The following ZNF75D variants were observed in gnomAD, a reference collection of about 807,000 sequenced individuals.
ZNF75D encodes zinc finger protein 75D, also known as zinc finger protein 75.
A neutral mutation model predicts 33.3 loss-of-function variants in ZNF75D; 33 were observed. The observed-to-expected ratio is 0.99, with a 90% CI of 0.75 to 1.32. The LOEUF is 1.32. Ranked by LOEUF, ZNF75D falls within the 40% of genes most tolerant of loss-of-function variation. The pLI is 0.00. For synonymous variants in ZNF75D, 113 were observed against 130.6 expected (o/e 0.87, Z 0.92); for missense variants, 338 against 367.5 (o/e 0.92, Z 0.66).
In ZNF75D at chrX:135,264,375, G is replaced by A. The variant is rs1023840353; in HGVS notation, n.828-8598C>T. ...ACAATTCAACATGACGTGTGGGTGC[G>A]GCCACAGAGCCAAACCATAATAAAT... On this transcript the variant is annotated intron_variant and non_coding_transcript_variant, in intron 1 of 3. Transcript: ENST00000494295. Among the ~76,000 whole-genome samples the A allele has an allele frequency of 9.9e-5, 11 of 111,367 alleles. No homozygotes were observed. The South Asian group carries it at 1.1e-3, about 12-fold the overall frequency.
rs1272387177 is a variant in ZNF75D, at chrX:135,277,050, C to G, written n.828-21273G>C. ...TCAAATGGTATTTCTGGTTCTAGAT[C>G]CTTGAGGAATCACCACACTGTCTTC... On this transcript the variant is annotated intron_variant and non_coding_transcript_variant, in intron 1 of 3. Transcript: ENST00000494295. 7.1e-5 allele frequency among the ~76,000 whole-genome samples: 8 copies of G among 111,927 alleles called. No homozygotes were observed. In the Admixed American group the frequency reaches 7.6e-4, roughly 11 times the overall value.
At chrX:135,272,851 T>C (rs61357388) in intron 1 of ZNF75D, among the ~76,000 whole-genome samples, 3,397 of 111,873 alleles carry the variant, frequency 0.03, 96 homozygotes, top group East Asian at 0.13. Flanking sequence ...TCTTCATTTA[T>C]GTAGGGTGTA....
At chrX:135,290,689 G>A (rs959508571) in intron 6 of ZNF75D, among the ~76,000 whole-genome samples, 1 of 112,442 alleles carries the variant, frequency 8.9e-6, no homozygotes, top group Non-Finnish European at 1.9e-5. Flanking sequence ...TTACAGATTA[G>A]TTATTAATTT....
intron 1 of ZNF75D, among the ~76,000 whole-genome samples, chrX:135,269,977 A>T (rs2148461919): frequency 9.0e-6 from 1 of 111,239 alleles, no homozygotes; most frequent in South Asian, 3.8e-4. Flanking sequence ...TATGTTAAGC[A>T]AAGTAAGCCA....
chrX:135,261,971 C>A (rs782480740), intron 1 of ZNF75D, among the ~76,000 whole-genome samples: 20 of 111,800 alleles, frequency 1.8e-4, no homozygotes, highest in Non-Finnish European at 3.8e-4. Context: ...TTCAGGAGCT[C>A]TTGTAAGGCA....
At chrX:135,256,545 C>G (rs1311324811) in intron 1 of ZNF75D, among the ~76,000 whole-genome samples, 5 of 111,714 alleles carry the variant, frequency 4.5e-5, no homozygotes, top group Admixed American at 1.9e-4. Context: ...CCTGTGTAAA[C>G]TTAAAAGGCA....
intron 1 of ZNF75D, among the ~76,000 whole-genome samples, chrX:135,303,693 T>C (rs1353926692): frequency 8.9e-6 from 1 of 112,614 alleles, no homozygotes; most frequent in Non-Finnish European, 1.9e-5. Flanking sequence ...GATCTCTCTT[T>C]TCCCCACAAG....
At chrX:135,305,209 C>A (rs1302511846) in intron 1 of ZNF75D, among the ~76,000 whole-genome samples, 1 of 111,660 alleles carries the variant, frequency 9.0e-6, no homozygotes, top group Non-Finnish European at 1.9e-5. Flanking sequence ...ATTGCCCACA[C>A]TGGTAACCTG....
intron 1 of ZNF75D, among the ~76,000 whole-genome samples, chrX:135,314,678 C>A (rs900020544): frequency 9.0e-6 from 1 of 111,591 alleles, no homozygotes; most frequent in African/African-American, 3.3e-5. Flanking sequence ...TCTGTTCAGG[C>A]TTTCTCTCTT....
chrX:135,279,283 T>A (rs1349369131), intron 1 of ZNF75D, among the ~76,000 whole-genome samples: 1 of 112,216 alleles, frequency 8.9e-6, no homozygotes, highest in African/African-American at 3.2e-5. Flanking sequence ...CATAGAGGTA[T>A]TTATAGTATT....
chrX:135,291,166 C>G, intron 5 of ZNF75D, 31 bp from the exon 6 acceptor site: 2 of 1,205,171 alleles, frequency 1.7e-6, no homozygotes, highest in Non-Finnish European at 2.2e-6. Flanking sequence ...TAGTTTAGTA[C>G]TTGCCACTTC....
intron 1 of ZNF75D, among the ~76,000 whole-genome samples, chrX:135,265,006 G>A (rs1256607584): frequency 8.9e-6 from 1 of 111,941 alleles, no homozygotes; most frequent in African/African-American, 3.2e-5. Flanking sequence ...AGATCACGGG[G>A]TCAGAAGTTC....
At chrX:135,264,663 T>A (rs1251712981) in intron 1 of ZNF75D, among the ~76,000 whole-genome samples, 2 of 111,581 alleles carry the variant, frequency 1.8e-5, no homozygotes, top group Non-Finnish European at 3.8e-5. Flanking sequence ...AATTCAGAAT[T>A]CTAGCAGATA....
intron 1 of ZNF75D, among the ~76,000 whole-genome samples, chrX:135,272,162 A>T (rs1382058975): frequency 9.3e-6 from 1 of 107,545 alleles, no homozygotes; most frequent in Non-Finnish European, 1.9e-5. Context: ...GCATGTAACT[A>T]GCCACATTCT....
intron 1 of ZNF75D, among the ~76,000 whole-genome samples, chrX:135,275,592 T>G (rs1438064567): frequency 9.0e-6 from 1 of 111,139 alleles, no homozygotes; most frequent in East Asian, 2.8e-4. Flanking sequence ...TTTTATTCAT[T>G]TGCTGTTTAT....
rs1351855945 is a variant in ZNF75D at position 135,291,326 on chromosome X, C to T, written c.696+146G>A. 2.2e-5 allele frequency: 18 copies of T among 812,806 alleles called. No homozygotes were observed. The African/African-American group carries it at 2.3e-4, about 10-fold the overall frequency. 67.0% of individuals were successfully genotyped at this position (812,806 alleles called of 1,213,427 possible). A position where few individuals can be genotyped will look rare whatever the true frequency, so the allele number is the denominator to read the frequency against. On this transcript the variant is annotated intron_variant, in intron 5 of 6. Transcript: ENST00000370766. Reference sequence around the variant, plus strand: ...TCACCTGGGAGGTGCCCAGTTCCCACTGTGCCAAGCCTAGTTGCCTAGAGA... The same window carrying T: ...TCACCTGGGAGGTGCCCAGTTCCCATTGTGCCAAGCCTAGTTGCCTAGAGA...
intron 1 of ZNF75D, among the ~76,000 whole-genome samples, chrX:135,271,346 C>T (rs782609011): frequency 1.8e-5 from 2 of 111,814 alleles, no homozygotes; most frequent in Non-Finnish European, 3.8e-5. Flanking sequence ...AAATCTATGT[C>T]GTGAATATAT....
chrX:135,263,393 C>A (rs1556415854), intron 1 of ZNF75D, among the ~76,000 whole-genome samples: 1 of 112,986 alleles, frequency 8.9e-6, no homozygotes, highest in African/African-American at 3.2e-5. Flanking sequence ...TTGTCTGCTG[C>A]CTTTTGTTCA....
intron 1 of ZNF75D, among the ~76,000 whole-genome samples, chrX:135,265,810 T>C (rs1556416266): frequency 9.0e-6 from 1 of 111,702 alleles, no homozygotes; most frequent in Non-Finnish European, 1.9e-5. Flanking sequence ...CAGAAAAACA[T>C]AGACTACTAT....
Sources: allele counts gnomAD v4.1 joint callset (sites outside exome capture counted in the v4.1 genomes callset), GRCh38; gene constraint gnomAD v4.1.1; transcripts MANE v1.5; gene names NCBI Gene and HGNC (gene_info 2026-07-23, HGNC 2026-07-21).